Variants in MYLK observed in about 807,000 individuals in gnomAD.
MYLK encodes myosin light chain kinase, smooth muscle.
In MYLK, 106 loss-of-function variants were observed where a neutral mutation model predicts 203.4. The observed-to-expected ratio is 0.52, with a 90% CI of 0.45 to 0.61. The LOEUF is 0.61. Ranked by LOEUF, MYLK falls within the 20% of genes least tolerant of loss-of-function variation. MYLK has a pLI of 0.00. For synonymous variants in MYLK, 867 were observed against 959.5 expected (o/e 0.90, Z 1.78); for missense variants, 2,072 against 2,442.3 (o/e 0.85, Z 3.20).
At chr3:123,880,521 CT>C (rs1203297740) in intron 1 of MYLK, among the ~76,000 whole-genome samples, 4 of 152,122 alleles carry the variant, frequency 2.6e-5, no homozygotes, top group Non-Finnish European at 5.9e-5. Context: ...CTCCTCATCC[CT>C]TTTCTTTTGT....
At chr3:123,735,567 C>T in intron 8 of MYLK, 151 bp from the exon 9 acceptor site, 1 of 809,398 alleles carries the variant, frequency 1.2e-6, no homozygotes, top group Non-Finnish European at 2.1e-6. Flanking sequence ...TTTGAACTCC[C>T]CCCAGCCCTA....
chr3:123,740,199 G>C (rs2062815347), intron 5 of MYLK, among the ~76,000 whole-genome samples, 198 bp from the exon 6 acceptor site: 1 of 152,092 alleles, frequency 6.6e-6, no homozygotes, highest in Non-Finnish European at 1.5e-5. Flanking sequence ...ATTTTATGAA[G>C]CTGATACTAC....
Position 123,734,202 on chromosome 3 carries a change from T to C in MYLK, c.794A>G (p.Lys265Arg). Residue 265 changes from lysine (K) to arginine (R), a missense_variant, in exon 10 of 34, where the codon AAA becomes AGA. Lys to Arg is a conservative substitution (Grantham distance 26). This residue lies in a region of MYLK where 683 missense variants were observed against 643.8 expected (regional missense o/e 1.06). Transcript: ENST00000360304. Reference protein sequence around the residue: ...SANRSFVRETKATNSDVRKEV... With the variant: ...SANRSFVRETRATNSDVRKEV... The stretch of plus-strand genomic sequence containing the variant: ...TTTCCTGACATCTGAATTGGTGGCT[T>C]TTGTTTCTCTCACAAATGACCTGTG... 6.5e-7 allele frequency: 1 copy of C among 1,545,232 alleles called. No homozygotes were observed. The highest frequency in any genetic ancestry group is 1.2e-5 in the South Asian group (1 of 80,054).
chr3:123,763,455 T>C (rs1424911579), intron 4 of MYLK, among the ~76,000 whole-genome samples: 3 of 152,252 alleles, frequency 2.0e-5, no homozygotes, highest in African/African-American at 4.8e-5. Flanking sequence ...TTTCTAAGAA[T>C]GAATGCATGG....
rs1481137931 is a variant in MYLK, at chr3:123,737,461, T to G, written c.671A>C (p.Asn224Thr). Residue 224 changes from asparagine (N) to threonine (T), a missense_variant, in exon 8 of 34, where the codon AAC becomes ACC. Transcript: ENST00000360304. Reference protein sequence around the residue: ...GMQVLEIHGVNQDDVGVYTCL... With the variant: ...GMQVLEIHGVTQDDVGVYTCL... ...CGTGTACACTCCCACGTCATCTTGG[T>G]TGACTCCATGGATTTCCAGAACCTG... The G allele has an allele frequency of 6.2e-7, 1 of 1,614,182 alleles. No homozygotes were observed. The highest frequency in any genetic ancestry group is 8.5e-7 in the Non-Finnish European group (1 of 1,180,030).
chr3:123,839,306 C>CA (rs908525900), intron 2 of MYLK, among the ~76,000 whole-genome samples: 1 of 151,708 alleles, frequency 6.6e-6, no homozygotes, highest in African/African-American at 2.4e-5. Context: ...ATGCTATCCA[C>CA]AAAAAAAGCT....
intron 16 of MYLK, 94 bp downstream of exon 16, chr3:123,707,660 G>A: frequency 1.9e-6 from 3 of 1,600,772 alleles, no homozygotes; most frequent in Non-Finnish European, 2.6e-6. Context: ...CCCCACATCA[G>A]TTTGTGCTTC....
chr3:123,836,485 T>C (rs1342283608), intron 2 of MYLK, among the ~76,000 whole-genome samples: 3 of 152,238 alleles, frequency 2.0e-5, no homozygotes, highest in African/African-American at 4.8e-5. Context: ...TTGGGGGTTA[T>C]GCCATACCAG....
chr3:123,862,790 C>T (rs940712790), intron 2 of MYLK, among the ~76,000 whole-genome samples: 1 of 152,120 alleles, frequency 6.6e-6, no homozygotes, highest in African/African-American at 2.4e-5. Flanking sequence ...CAGCAGCCCC[C>T]ACCTCCCTTC....
At chr3:123,692,440 G>T in intron 19 of MYLK, 1 of 1,223,036 alleles carries the variant, frequency 8.2e-7, no homozygotes, top group Non-Finnish European at 1.0e-6. Flanking sequence ...CTACTGCCCA[G>T]TGCCCCAGCT....
chr3:123,786,512 G>A (rs2064531821), intron 4 of MYLK, among the ~76,000 whole-genome samples: 1 of 127,572 alleles, frequency 7.8e-6, no homozygotes, highest in Non-Finnish European at 1.6e-5. Flanking sequence ...GGGAAGGGTA[G>A]TGGGAGGGTG....
At chr3:123,723,345 T>G (rs537154726) in intron 12 of MYLK, among the ~76,000 whole-genome samples, 1 of 152,324 alleles carries the variant, frequency 6.6e-6, no homozygotes, top group Non-Finnish European at 1.5e-5. Flanking sequence ...GAGGGGAAGA[T>G]TCCTCTCAAC....
At position 123,752,390 on chromosome 3, in the gene MYLK, G is replaced by T. The variant is rs765013146; in HGVS notation, c.314C>A (p.Thr105Asn). 4 of 1,614,042 alleles carry T rather than the reference G, an allele frequency of 2.5e-6. No homozygotes were observed. The African/African-American group carries it at 5.3e-5, about 22-fold the overall frequency. The change falls in exon 5 of 34, where the codon ACC becomes AAC. Residue 105 changes from threonine (T) to asparagine (N), a missense_variant. This residue lies in a region of MYLK where 683 missense variants were observed against 643.8 expected (regional missense o/e 1.06). Transcript: ENST00000360304. ...ACCACTGCCATTGGTGGCTTCACAG[G>T]TATACTTTCCCCTGTCCTCCTCATG... Reference protein sequence around the residue: ...AVHEEDRGKYTCEATNGSGAR... With the variant: ...AVHEEDRGKYNCEATNGSGAR...
chr3:123,667,036 T>G, intron 21 of MYLK, 101 bp downstream of exon 21: 1 of 1,086,606 alleles, frequency 9.2e-7, no homozygotes, highest in African/African-American at 1.5e-5. Context: ...CAGTGGGGTG[T>G]CTCCTGGGAT....
chr3:123,763,308 C>T (rs1046229805), intron 4 of MYLK, among the ~76,000 whole-genome samples: 1 of 152,194 alleles, frequency 6.6e-6, no homozygotes, highest in Non-Finnish European at 1.5e-5. Context: ...CCTCCCGGAA[C>T]ATTTTGTCAT....
chr3:123,784,813 C>T (rs2064446621), intron 4 of MYLK, among the ~76,000 whole-genome samples: 1 of 152,166 alleles, frequency 6.6e-6, no homozygotes, highest in Admixed American at 6.5e-5. Context: ...GGGAGTAGTC[C>T]TATCTCCCTG....
At chr3:123,684,759 T>C (rs1444078238) in intron 19 of MYLK, among the ~76,000 whole-genome samples, 4 of 152,174 alleles carry the variant, frequency 2.6e-5, no homozygotes, top group African/African-American at 7.2e-5. Flanking sequence ...TGGTCTTGAA[T>C]TCCTGGCCTC....
chr3:123,670,573 G>A (rs973840206), intron 20 of MYLK, among the ~76,000 whole-genome samples: 2 of 151,968 alleles, frequency 1.3e-5, no homozygotes, highest in African/African-American at 2.4e-5. Flanking sequence ...TGGGCAACAC[G>A]GCAAGACCCT....
intron 16 of MYLK, among the ~76,000 whole-genome samples, chr3:123,705,897 TGACGA>T (rs1355139068): frequency 6.6e-6 from 1 of 152,238 alleles, no homozygotes; most frequent in Non-Finnish European, 1.5e-5. Flanking sequence ...CCTTCTATAC[TGACGA>T]GATCATCAGC....
Sources: gnomAD v4.1 joint callset for allele counts (sites outside exome capture counted in the v4.1 genomes callset) on GRCh38, gnomAD v4.1.1 for gene constraint, gnomAD v4.1.1 regional missense constraint, MANE v1.5 for transcripts, NCBI Gene and HGNC (gene_info 2026-07-23, HGNC 2026-07-21) for gene names.